NRXN3: variants seen among roughly 807,000 people sequenced by gnomAD.
NRXN3 encodes the protein neurexin 3.
A neutral mutation model predicts 137.6 loss-of-function variants in NRXN3; 32 were observed. That is an observed-to-expected ratio of 0.23 (90% CI 0.18 to 0.31). The LOEUF (loss-of-function observed/expected upper bound fraction) is 0.31, where lower values mean the gene tolerates loss of function less well. Ranked by LOEUF, NRXN3 falls within the 10% of genes least tolerant of loss-of-function variation. The pLI, the probability that NRXN3 is intolerant of heterozygous loss-of-function variation, is 1.00. For synonymous variants in NRXN3, 798 were observed against 784.5 expected (o/e 1.02, Z -0.29); for missense variants, 1,574 against 2,062.5 (o/e 0.76, Z 4.59).
chr14:78,191,540 G>A (rs17107085), intron 1 of NRXN3, among the ~76,000 whole-genome samples: 37,682 of 152,056 alleles, frequency 0.25, 5,056 homozygotes, highest in East Asian at 0.31. Flanking sequence ...ATTGGCCTCC[G>A]CTGCAATAGT....
At chr14:79,658,429 A>G (rs2098517135) in intron 16 of NRXN3, among the ~76,000 whole-genome samples, 1 of 152,186 alleles carries the variant, frequency 6.6e-6, no homozygotes, top group Non-Finnish European at 1.5e-5. Context: ...ACCCGGAATG[A>G]CAAAGAAGCC....
intron 6 of NRXN3, among the ~76,000 whole-genome samples, chr14:78,700,827 A>C (rs2098270933): frequency 6.6e-6 from 1 of 151,888 alleles, no homozygotes; most frequent in Admixed American, 6.6e-5. Flanking sequence ...TCACTCTGTC[A>C]CCCAGGCTGG....
At chr14:79,327,442 T>C (rs953843327) in intron 15 of NRXN3, among the ~76,000 whole-genome samples, 2 of 152,296 alleles carry the variant, frequency 1.3e-5, no homozygotes, top group South Asian at 2.1e-4. Flanking sequence ...TACATGGCCA[T>C]CTGGGTCTTC....
intron 4 of NRXN3, among the ~76,000 whole-genome samples, chr14:78,495,864 A>G (rs1297636914): frequency 1.3e-5 from 2 of 152,170 alleles, no homozygotes; most frequent in African/African-American, 2.4e-5. Context: ...TTCCCAAAGA[A>G]ATTTGCTAAA....
chr14:79,010,399 C>T (rs948697689), intron 15 of NRXN3, among the ~76,000 whole-genome samples: 4 of 152,148 alleles, frequency 2.6e-5, no homozygotes, highest in Non-Finnish European at 5.9e-5. Flanking sequence ...TATCTATCTG[C>T]ATATCATACA....
intron 10 of NRXN3, among the ~76,000 whole-genome samples, chr14:78,854,335 T>C (rs1003506575): frequency 6.6e-6 from 1 of 152,208 alleles, no homozygotes; most frequent in African/African-American, 2.4e-5. Context: ...CATTTTACTG[T>C]AGGTGATCTT....
intron 19 of NRXN3, among the ~76,000 whole-genome samples, chr14:79,798,623 C>A (rs1277401167): frequency 6.6e-6 from 1 of 152,100 alleles, no homozygotes; most frequent in Non-Finnish European, 1.5e-5. Flanking sequence ...CATACTAAAT[C>A]TCAAATAACT....
chr14:79,862,140 G>A lies in NRXN3; in HGVS notation c.*176G>A, dbSNP rs988321773. On this transcript the variant is annotated 3_prime_UTR_variant, in exon 21 of 21. Coordinates refer to ENST00000335750, the MANE Select transcript of NRXN3 (RefSeq NM_001330195.2). ...AAAGGACACACACACACACAGCGATGCATCTCTCTCTAAAGCTCAGCCACG... is the reference window on the plus strand; with the variant it reads ...AAAGGACACACACACACACAGCGATACATCTCTCTCTAAAGCTCAGCCACG... The A allele has an allele frequency of 3.3e-6, 2 of 601,554 alleles. No individual in the cohort carries two copies. The highest frequency in any genetic ancestry group is 5.8e-6 in the Non-Finnish European group (2 of 342,520). 37.3% of individuals were successfully genotyped at this position (601,554 alleles called of 1,614,324 possible).
At chr14:79,365,776 C>T (rs535860253) in intron 15 of NRXN3, among the ~76,000 whole-genome samples, 2 of 144,434 alleles carry the variant, frequency 1.4e-5, no homozygotes, top group South Asian at 2.2e-4. Flanking sequence ...TAAACCATCT[C>T]GAATCGATAT....
intron 19 of NRXN3, among the ~76,000 whole-genome samples, chr14:79,715,870 C>T (rs1386073097): frequency 6.6e-6 from 1 of 152,210 alleles, no homozygotes; most frequent in African/African-American, 2.4e-5. Context: ...GCCAGTGTTC[C>T]CGCCAAAGGA....
At chr14:78,324,151 C>T (rs1428033701) in intron 4 of NRXN3, among the ~76,000 whole-genome samples, 6 of 152,086 alleles carry the variant, frequency 3.9e-5, no homozygotes, top group African/African-American at 1.2e-4. Flanking sequence ...CTATGCTCTG[C>T]AGCCTTCAAC....
At chr14:79,174,593 G>A (rs2061923) in intron 15 of NRXN3, among the ~76,000 whole-genome samples, 35,969 of 144,986 alleles carry the variant, frequency 0.25, 4,695 homozygotes, top group Middle Eastern at 0.29. Flanking sequence ...CCAGTATCTA[G>A]CTATACATAC....
intron 16 of NRXN3, among the ~76,000 whole-genome samples, chr14:79,638,351 A>G (rs1321646975): frequency 6.6e-6 from 1 of 152,136 alleles, no homozygotes; most frequent in Non-Finnish European, 1.5e-5. Flanking sequence ...TTTTCTACTT[A>G]TGTGATCTTA....
At chr14:79,051,426 C>T (rs1279106598) in intron 15 of NRXN3, among the ~76,000 whole-genome samples, 1 of 152,072 alleles carries the variant, frequency 6.6e-6, no homozygotes, top group Non-Finnish European at 1.5e-5. Context: ...TGCCTTTAGC[C>T]GCACAGGTGG....
intron 8 of NRXN3, among the ~76,000 whole-genome samples, chr14:78,746,413 T>G (rs749870349): frequency 6.6e-6 from 1 of 152,182 alleles, no homozygotes; most frequent in Non-Finnish European, 1.5e-5. Flanking sequence ...TAACTCTATG[T>G]GTTGACCTTT....
intron 15 of NRXN3, among the ~76,000 whole-genome samples, chr14:79,262,132 T>C (rs956543896): frequency 2.6e-4 from 39 of 152,238 alleles, no homozygotes; most frequent in African/African-American, 7.9e-4. Context: ...ATAAAACCAG[T>C]ATGAAAGACA....
intron 10 of NRXN3, among the ~76,000 whole-genome samples, chr14:78,910,875 T>A (rs1277323382): frequency 2.6e-5 from 4 of 152,130 alleles, no homozygotes; most frequent in African/African-American, 9.7e-5. Flanking sequence ...CCAAACATGT[T>A]TCAGATGTTC....
intron 4 of NRXN3, among the ~76,000 whole-genome samples, chr14:78,539,978 G>C (rs1165943855): frequency 6.6e-6 from 1 of 152,168 alleles, no homozygotes; most frequent in Admixed American, 6.5e-5. Context: ...GAGACAGTTT[G>C]TTGTGATTTC....
Position 78,834,159 on chromosome 14 carries a change from A to C in NRXN3, c.2275+23815A>C, listed in dbSNP as rs138285931. Among the ~76,000 whole-genome samples, 383 of 152,242 alleles carry C rather than the reference A, an allele frequency of 2.5e-3. 13 individuals carry two copies. The South Asian group carries it at 0.051, about 20-fold the overall frequency. On this transcript the variant is annotated intron_variant, in intron 10 of 20. Transcript: ENST00000335750. ...AGGATCAGGCAGGGTCTTGCTGGCCAAGGTAAGGAGTTTGCATCTTATTCT... is the reference window on the plus strand; with the variant it reads ...AGGATCAGGCAGGGTCTTGCTGGCCCAGGTAAGGAGTTTGCATCTTATTCT...
Sources: gnomAD v4.1 joint callset for allele counts (sites outside exome capture counted in the v4.1 genomes callset) on GRCh38, gnomAD v4.1.1 for gene constraint, MANE v1.5 for transcripts, NCBI Gene and HGNC (gene_info 2026-07-23, HGNC 2026-07-21) for gene names.